Variants in RLF observed in about 807,000 individuals in gnomAD.
RLF encodes the protein RLF zinc finger.
In RLF, 7 loss-of-function variants were observed where a neutral mutation model predicts 162.9. That is an observed-to-expected ratio of 0.04 (90% CI 0.02 to 0.08). RLF has a LOEUF of 0.08. Among genes scored for constraint, RLF ranks in the 10% least tolerant of loss-of-function variants. The pLI is 1.00. For missense variants in RLF, 1,664 were observed against 2,244.7 expected (o/e 0.74, Z 5.23); for synonymous variants, 782 against 791.5 (o/e 0.99, Z 0.20).
intron 3 of RLF, 56 bp downstream of exon 3, chr1:40,190,909 C>T: frequency 9.5e-7 from 1 of 1,056,770 alleles, no homozygotes; most frequent in Non-Finnish European, 1.4e-6. Context: ...TAATTAATTA[C>T]TCCCAGCAAA....
chr1:40,228,032 C>A (rs554168198), intron 6 of RLF, among the ~76,000 whole-genome samples: 9 of 152,102 alleles, frequency 5.9e-5, no homozygotes, highest in Non-Finnish European at 1.3e-4. Context: ...AGCCTGTAAT[C>A]CCAGTACTCT....
At chr1:40,169,049 T>TG (rs748056127) in intron 1 of RLF, among the ~76,000 whole-genome samples, 44 of 152,304 alleles carry the variant, frequency 2.9e-4, no homozygotes, top group Non-Finnish European at 6.0e-4. Context: ...TAAAACTCAT[T>TG]GCTGTCACAA....
rs569973199 is a variant in RLF, at chr1:40,161,694, C to T, written c.237+58C>T. 6.3e-7 allele frequency: 1 copy of T among 1,587,596 alleles called. No individual in the cohort carries two copies. ...GGGCGGGGAAGTCAGGGAAGGAGGC[C>T]CTGGATCCTCTGTAAGCAGCCGGGT... On this transcript the variant is annotated intron_variant, in intron 1 of 7. Transcript: ENST00000372771. This position sits in a 1 kb window ranked among gnomAD's most constrained non-coding sequence, Gnocchi z 4.4.
intron 6 of RLF, among the ~76,000 whole-genome samples, chr1:40,228,277 C>T (rs1290854240): frequency 7.5e-5 from 11 of 146,150 alleles, no homozygotes; most frequent in Admixed American, 1.4e-4. Context: ...CAGAACAAGA[C>T]TCCATCTCAA....
intron 1 of RLF, among the ~76,000 whole-genome samples, chr1:40,183,252 C>T (rs1570524736): frequency 6.6e-6 from 1 of 152,128 alleles, no homozygotes; most frequent in Admixed American, 6.5e-5. Context: ...ATTTCACATG[C>T]TGAGAAATTT....
intron 6 of RLF, among the ~76,000 whole-genome samples, chr1:40,229,157 ATTTTTG>A (rs1456350367): frequency 6.6e-6 from 1 of 152,188 alleles, no homozygotes; most frequent in Non-Finnish European, 1.5e-5. Context: ...GGCTTTGATA[ATTTTTG>A]TTCTGTTCAA....
Position 40,195,644 on chromosome 1 carries a change from G to A in RLF, c.487G>A (p.Ala163Thr). Reference protein sequence around the residue: ...FLQSLQESHDALLEFGNNNLQ... With the variant: ...FLQSLQESHDTLLEFGNNNLQ... ...GTTCTTGTTCTAGGAGTCACATGAT[G>A]CATTATTGGAATTTGGGAATAATAA... The change falls in exon 4 of 8, where the codon GCA (alanine) becomes ACA (threonine). Residue 163 changes from alanine (A) to threonine (T), a missense_variant. Ala to Thr is a moderately conservative substitution (Grantham distance 58). Around this residue, in one of 15 missense-constraint regions of RLF, gnomAD observed 287 missense variants for 404.9 expected, o/e 0.71. Transcript: ENST00000372771. 1.2e-6 allele frequency: 2 copies of A among 1,611,804 alleles called. No individual in the cohort carries two copies. Among genetic ancestry groups the A allele is most frequent in the South Asian group, 1.1e-5 (1 of 90,682 alleles).
intron 7 of RLF, among the ~76,000 whole-genome samples, chr1:40,235,055 A>ATTTTTT (rs761816149): frequency 1.9e-4 from 20 of 105,460 alleles, no homozygotes; most frequent in African/African-American, 2.9e-4. Context: ...GATAGAGAGA[A>ATTTTTT]TTTTTTTTTT....
rs1643254392 is a variant in RLF at position 40,239,010 on chromosome 1, G to T, written c.4308G>T (p.Gly1436=). ...HHLMEQHNIE[G]EIHSDYEIHC... is the part of the protein sequence containing the mutation. ...TGATGGAACAGCATAATATTGAAGGGGAAATACATTCAGATTATGAAATTC... is the reference window on the plus strand; with the variant it reads ...TGATGGAACAGCATAATATTGAAGGTGAAATACATTCAGATTATGAAATTC... Residue 1436 remains glycine, a synonymous_variant, in exon 8 of 8, where the codon GGG becomes GGT. Transcript: ENST00000372771. 1.9e-6 allele frequency: 3 copies of T among 1,614,056 alleles called. No homozygotes were observed. The highest frequency in any genetic ancestry group is 2.5e-6 in the Non-Finnish European group (3 of 1,179,986).
chr1:40,195,789 G>T, intron 4 of RLF, 25 bp downstream of exon 4: 1 of 1,597,754 alleles, frequency 6.3e-7, no homozygotes, highest in South Asian at 1.1e-5. Context: ...TATATTGGAT[G>T]AGGATTTAGT....
chr1:40,238,888 A>G lies in RLF; in HGVS notation c.4186A>G (p.Lys1396Glu), dbSNP rs750463080. 2 of 1,614,224 alleles carry G rather than the reference A, an allele frequency of 1.2e-6. No individual in the cohort carries two copies. The highest frequency in any genetic ancestry group is 1.1e-5 in the South Asian group (1 of 91,084). ...TAACCTAGACCATATTGAAGAGCCT[A>G]AAGTACTTTCCGAAGCTGGATCTGC... ...SHNLDHIEEP[K>E]VLSEAGSAAR... Residue 1396 changes from lysine to glutamate, a missense_variant, in exon 8 of 8, where the codon AAA (lysine) becomes GAA (glutamate). Coordinates refer to ENST00000372771, the MANE Select transcript of RLF (RefSeq NM_012421.4). The surrounding 1 kb of genome is among the most constrained non-coding windows in gnomAD (Gnocchi z 5.2).
chr1:40,233,025 G>A (rs1036710743), intron 7 of RLF, among the ~76,000 whole-genome samples: 4 of 149,428 alleles, frequency 2.7e-5, no homozygotes, highest in Admixed American at 2.7e-4. Context: ...AACTTGGGAG[G>A]CAGAGGTGGC....
At chr1:40,178,538 A>C (rs1642359103) in intron 1 of RLF, among the ~76,000 whole-genome samples, 1 of 152,040 alleles carries the variant, frequency 6.6e-6, no homozygotes, top group Non-Finnish European at 1.5e-5. Flanking sequence ...ATATATACTT[A>C]AAAATTGTTC....
Position 40,185,517 on chromosome 1 carries a change from TAAAAAAAAAAAAAAAA to T in RLF, c.238-3527_238-3512del, listed in dbSNP as rs769379758. ...TAATCCTTTCAACCTAATCTTGCATTAAAAAAAAAAAAAAAAAAAAAAAAAAGCCGGGCGCAGTGGC... is the reference window on the plus strand; with the variant it reads ...TAATCCTTTCAACCTAATCTTGCATTAAAAAAAAAAGCCGGGCGCAGTGGC... On this transcript the variant is annotated intron_variant, in intron 1 of 7. Coordinates refer to ENST00000372771, the MANE Select transcript of RLF (RefSeq NM_012421.4). 3.0e-3 allele frequency among the ~76,000 whole-genome samples: 71 copies of T among 23,750 alleles called. 3 individuals carry two copies. Among genetic ancestry groups the T allele is most frequent in the African/African-American group, 9.5e-3 (61 of 6,396 alleles). 15.6% of individuals were successfully genotyped at this position (23,750 alleles called of 152,430 possible). A position where few individuals can be genotyped will look rare whatever the true frequency, so the allele number is the denominator to read the frequency against.
intron 6 of RLF, among the ~76,000 whole-genome samples, chr1:40,228,692 G>C (rs1239462845): frequency 6.6e-6 from 1 of 151,466 alleles, no homozygotes; most frequent in Non-Finnish European, 1.5e-5. Flanking sequence ...CAAAATCGAA[G>C]CTCGCTGCAG....
chr1:40,236,597 G>C lies in RLF; in HGVS notation c.1895G>C (p.Ser632Thr). ...KGSQKGICPK[S>T]PSAIPEQNHS... Reference sequence around the variant, plus strand: ...TCTCAAAAGGGTATTTGTCCTAAGAGCCCCTCTGCAATCCCAGAGCAAAAC... The same window carrying C: ...TCTCAAAAGGGTATTTGTCCTAAGACCCCCTCTGCAATCCCAGAGCAAAAC... Residue 632 changes from serine (S) to threonine (T), a missense_variant, in exon 8 of 8, where the codon AGC becomes ACC. By Grantham distance (58) the Ser-to-Thr change is moderately conservative. Coordinates refer to ENST00000372771, the MANE Select transcript of RLF (RefSeq NM_012421.4). The surrounding 1 kb of genome is among the most constrained non-coding windows in gnomAD (Gnocchi z 7.7). The C allele has an allele frequency of 1.9e-6, 3 of 1,614,118 alleles. No homozygotes were observed. Among genetic ancestry groups the C allele is most frequent in the Non-Finnish European group, 2.5e-6 (3 of 1,180,024 alleles).
At position 40,161,573 on chromosome 1, in the gene RLF, A is replaced by G. The variant is rs1163105388; in HGVS notation, c.174A>G (p.Thr58=). The change falls in exon 1 of 8, where the codon ACA becomes ACG. Residue 58 remains threonine (T), a synonymous_variant. Coordinates refer to ENST00000372771, the MANE Select transcript of RLF (RefSeq NM_012421.4). The surrounding 1 kb of genome is among the most constrained non-coding windows in gnomAD (Gnocchi z 4.4). ...GGCCGTGTCTGTGGCAGCTGGAGAC[A>G]GAGCTGAGGGAGCAAGAGGTGTCGG... ...GLRPCLWQLE[T]ELREQEVSEV... The G allele has an allele frequency of 6.2e-7, 1 of 1,612,452 alleles. No homozygotes were observed. The highest frequency in any genetic ancestry group is 8.5e-7 in the Non-Finnish European group (1 of 1,179,298).
chr1:40,199,266 T>C (rs1456068736), intron 4 of RLF, among the ~76,000 whole-genome samples: 1 of 152,222 alleles, frequency 6.6e-6, no homozygotes, highest in Non-Finnish European at 1.5e-5. Flanking sequence ...GCCCTTGTGC[T>C]TAGTGCTGTA....
chr1:40,177,704 C>G (rs528516278), intron 1 of RLF: 1 of 151,954 alleles, frequency 6.6e-6, no homozygotes, highest in Non-Finnish European at 1.5e-5. Context: ...CTATTTTCTT[C>G]TGGAGATTGT....
Sources: gnomAD v4.1 joint callset for allele counts (sites outside exome capture counted in the v4.1 genomes callset) on GRCh38, gnomAD v4.1.1 for gene constraint, gnomAD v4.1.1 regional missense constraint, Gnocchi (gnomAD v3.1) non-coding constraint, MANE v1.5 for transcripts, NCBI Gene and HGNC (gene_info 2026-07-23, HGNC 2026-07-21) for gene names.